Variants in VWF observed in about 807,000 individuals in gnomAD.
The protein encoded by VWF is Factor VIII related antigen.
VWF carries 176 observed loss-of-function variants against 308.6 expected under a neutral mutation model. The ratio of observed to expected loss-of-function variants is 0.57; its 90% CI spans 0.50 to 0.65. The LOEUF (loss-of-function observed/expected upper bound fraction) is 0.65. VWF is among the 30% of genes least tolerant of loss of function. The pLI is 0.00. For missense variants in VWF, 3,146 were observed against 3,648.2 expected, an observed-to-expected ratio of 0.86 and a Z score of 3.55; for synonymous variants, 1,385 against 1,443.4, an observed-to-expected ratio of 0.96 and a Z score of 0.92.
At chr12:6,080,876 G>C (rs1199128268) in intron 6 of VWF, among the ~76,000 whole-genome samples, 1 of 152,154 alleles carries the variant, frequency 6.6e-6, no homozygotes, top group Non-Finnish European at 1.5e-5. Flanking sequence ...CTCCCCCTAG[G>C]TTATGCCCTC....
intron 34 of VWF, among the ~76,000 whole-genome samples, chr12:5,998,524 T>C (rs1943837701): frequency 9.4e-6 from 1 of 106,174 alleles, no homozygotes; most frequent in South Asian, 3.3e-4. Context: ...TATATATATA[T>C]ATATATATAT....
At chr12:6,108,368 A>ACACACACAC (rs1565393069) in intron 5 of VWF, among the ~76,000 whole-genome samples, 11 of 92,728 alleles carry the variant, frequency 1.2e-4, no homozygotes, top group Non-Finnish European at 1.7e-4. Context: ...CACACACACA[A>ACACACACAC]AGCAAAATTT....
At chr12:6,042,823 CA>C in intron 18 of VWF, among the ~76,000 whole-genome samples, 1 of 152,214 alleles carries the variant, frequency 6.6e-6, no homozygotes, top group Non-Finnish European at 1.5e-5. Flanking sequence ...TCCTTCATGA[CA>C]AAAAAGTTTG....
intron 31 of VWF, among the ~76,000 whole-genome samples, chr12:6,014,400 G>T (rs955433883): frequency 6.6e-6 from 1 of 152,188 alleles, no homozygotes; most frequent in Non-Finnish European, 1.5e-5. Flanking sequence ...GTGGAAGCTG[G>T]GGTTCCAGTT....
intron 16 of VWF, among the ~76,000 whole-genome samples, chr12:6,048,326 C>G (rs2136444689): frequency 6.6e-6 from 1 of 152,138 alleles, no homozygotes; most frequent in East Asian, 1.9e-4. Flanking sequence ...TGCCACCACA[C>G]CCAGCTAATT....
chr12:6,029,532 G>A, intron 21 of VWF, 44 bp from the exon 22 acceptor site: 4 of 1,611,856 alleles, frequency 2.5e-6, no homozygotes, highest in Non-Finnish European at 3.4e-6. Flanking sequence ...TGAAGGGCAG[G>A]CTCGACAGCC....
Position 5,976,147 on chromosome 12 carries a change from C to T in VWF, c.7401G>A (p.Gln2467=), listed in dbSNP as rs1247595103. The T allele has an allele frequency of 6.2e-7, 1 of 1,614,044 alleles. No individual in the cohort carries two copies. The highest frequency in any genetic ancestry group is 2.2e-5 in the East Asian group (1 of 44,874). The change falls in exon 43 of 52, where the codon CAG becomes CAA. Residue 2467 remains glutamine (Q), a synonymous_variant. Coordinates refer to ENST00000261405, the MANE Select transcript of VWF (RefSeq NM_000552.5). Reference sequence around the variant, plus strand: ...TGTCCTCACAGGGCTTCTGGGAGCACTGGGCCACGCGGAGGCCCATCACGG... The same window carrying T: ...TGTCCTCACAGGGCTTCTGGGAGCATTGGGCCACGCGGAGGCCCATCACGG... ...EDAVMGLRVA[Q]CSQKPCEDSC... is the part of the protein sequence containing the mutation.
chr12:5,967,845 C>T lies in VWF; in HGVS notation c.7771-243G>A, dbSNP rs535299506. On this transcript the variant is annotated intron_variant, in intron 46 of 51. Transcript: ENST00000261405. ...TAGTGGCAGAGGGGACAAACTAAAA[C>T]GTGCACAATGACTTCAGAGTGCTTC... Among the ~76,000 whole-genome samples, 268 of 152,320 alleles carry T rather than the reference C, an allele frequency of 1.8e-3. 1 individual carries two copies. Among genetic ancestry groups the T allele is most frequent in the Non-Finnish European group, 2.9e-3 (197 of 68,034 alleles).
Position 6,110,979 on chromosome 12 carries a change from A to G in VWF, c.221-11T>C, listed in dbSNP as rs1474756702. 6.2e-7 allele frequency: 1 copy of G among 1,608,102 alleles called. No homozygotes were observed. On this transcript the variant is annotated splice_polypyrimidine_tract_variant and intron_variant, in intron 3 of 51. Coordinates refer to ENST00000261405, the MANE Select transcript of VWF (RefSeq NM_000552.5). ...CATTCTGGAAGTCCCCTGAAAGAGA[A>G]AAAAGTCAATAGTAGTGATTATTAC...
Position 6,074,519 on chromosome 12 carries a change from C to G in VWF, c.875-778G>C, listed in dbSNP as rs953994054. The stretch of plus-strand genomic sequence containing the variant: ...AAAAAAAAAAAAAAAAACAGCCACT[C>G]GGCTTTACAGAGAAGAAACCAGCTG... On this transcript the variant is annotated intron_variant, in intron 7 of 51. Transcript: ENST00000261405. 3.3e-5 allele frequency among the ~76,000 whole-genome samples: 5 copies of G among 150,710 alleles called. No homozygotes were observed. The East Asian group carries it at 9.7e-4, about 29-fold the overall frequency.
intron 34 of VWF, among the ~76,000 whole-genome samples, chr12:6,006,303 T>A (rs1451438751): frequency 6.6e-6 from 1 of 151,268 alleles, no homozygotes; most frequent in African/African-American, 2.4e-5. Context: ...CCCAAAAAAA[T>A]CAATGAAACA....
In VWF at chr12:5,985,635, G is replaced by T. The variant is rs767257065; in HGVS notation, c.6829C>A (p.Pro2277Thr). 1.9e-6 allele frequency: 3 copies of T among 1,614,152 alleles called. No individual in the cohort carries two copies. In the South Asian group the frequency reaches 3.3e-5, roughly 18 times the overall value. ...CTGAGGCATGTGCAGATCTGACAGG[G>T]CTGGTGGTCCGGGACCCAGGCTTCC... Reference protein sequence around the residue: ...FLEAWVPDHQPCQICTCLSGR... With the variant: ...FLEAWVPDHQTCQICTCLSGR... Residue 2277 changes from proline to threonine, a missense_variant, in exon 39 of 52, where the codon CCC becomes ACC. By Grantham distance (38) the Pro-to-Thr change is conservative. Around this residue, in one of 3 missense-constraint regions of VWF, gnomAD observed 989 missense variants for 1,117.4 expected, o/e 0.89. Coordinates refer to ENST00000261405, the MANE Select transcript of VWF (RefSeq NM_000552.5).
At chr12:6,050,747 G>C (rs886306662) in intron 16 of VWF, among the ~76,000 whole-genome samples, 4 of 152,138 alleles carry the variant, frequency 2.6e-5, no homozygotes, top group Non-Finnish European at 5.9e-5. Flanking sequence ...ATCATTTGAG[G>C]TCAGGAGTTC....
intron 17 of VWF, among the ~76,000 whole-genome samples, chr12:6,044,801 T>A (rs2238109): frequency 0.4 from 60,102 of 151,966 alleles, 13,217 homozygotes; most frequent in African/African-American, 0.58. Context: ...TGAGTTTGGG[T>A]GCTAAAAAGG....
intron 34 of VWF, among the ~76,000 whole-genome samples, chr12:5,998,740 T>G (rs927597280): frequency 1.3e-5 from 2 of 152,034 alleles, no homozygotes; most frequent in Non-Finnish European, 1.5e-5. Flanking sequence ...TTTTTATTTT[T>G]TTTCCAAGAG....
intron 17 of VWF, among the ~76,000 whole-genome samples, chr12:6,045,464 AGG>A (rs1310714693): frequency 2.0e-5 from 3 of 152,230 alleles, no homozygotes; most frequent in Admixed American, 2.0e-4. Flanking sequence ...CACGGAAGGT[AGG>A]TCTGAGAGGC....
At chr12:6,042,823 C>CA (rs772841084) in intron 18 of VWF, among the ~76,000 whole-genome samples, 1 of 152,096 alleles carries the variant, frequency 6.6e-6, no homozygotes, top group African/African-American at 2.4e-5. Context: ...TCCTTCATGA[C>CA]AAAAAAGTTT....
Position 5,994,180 on chromosome 12 carries a change from T to C in VWF, c.6280A>G (p.Asn2094Asp). The C allele has an allele frequency of 6.2e-7, 1 of 1,614,116 alleles. No homozygotes were observed. The highest frequency in any genetic ancestry group is 8.5e-7 in the Non-Finnish European group (1 of 1,180,012). The change falls in exon 37 of 52, where the codon AAT becomes GAT. Residue 2094 changes from asparagine to aspartate, a missense_variant. Around this residue, in one of 3 missense-constraint regions of VWF, gnomAD observed 989 missense variants for 1,117.4 expected, o/e 0.89. Coordinates refer to ENST00000261405, the MANE Select transcript of VWF (RefSeq NM_000552.5). ...LCGICDENGA[N>D]DFMLRDGTVT... ...GTGCCATCCCTCAGCATGAAGTCAT[T>C]GGCTCCGTTCTCATCACAGATCCCT...
At chr12:6,084,853 A>G (rs1322394853) in intron 6 of VWF, among the ~76,000 whole-genome samples, 1 of 149,056 alleles carries the variant, frequency 6.7e-6, no homozygotes, top group African/African-American at 2.4e-5. Context: ...ATACTTTCTC[A>G]TTGGTCAGCT....
Sources: allele counts gnomAD v4.1 joint callset (sites outside exome capture counted in the v4.1 genomes callset), GRCh38; gene constraint gnomAD v4.1.1; regional missense constraint gnomAD v4.1.1; transcripts MANE v1.5; gene names NCBI Gene and HGNC (gene_info 2026-07-23, HGNC 2026-07-21).